Variants in WDR59 observed in about 807,000 individuals in gnomAD.
WDR59 encodes the protein WD repeat domain 59.
A neutral mutation model predicts 131.2 loss-of-function variants in WDR59; 100 were observed. The observed-to-expected ratio is 0.76, with a 90% CI of 0.65 to 0.90. WDR59 has a LOEUF of 0.90. Ranked by LOEUF, WDR59 falls within the 40% of genes least tolerant of loss-of-function variation. WDR59 has a pLI of 0.00. For missense variants in WDR59, 1,203 were observed against 1,262.2 expected (o/e 0.95, Z 0.71); for synonymous variants, 601 against 466.2 (o/e 1.29, Z -3.72).
chr16:74,955,215 G>C (rs2033225614), intron 3 of WDR59, among the ~76,000 whole-genome samples: 1 of 152,182 alleles, frequency 6.6e-6, no homozygotes, highest in South Asian at 2.1e-4. Context: ...CCCAATCAGA[G>C]GTGATTTTGC....
At chr16:74,910,356 GTAA>G (rs1966028447) in intron 14 of WDR59, among the ~76,000 whole-genome samples, 1 of 152,160 alleles carries the variant, frequency 6.6e-6, no homozygotes, top group African/African-American at 2.4e-5. Context: ...CCAACACAGT[GTAA>G]TAATCTAATT....
chr16:74,890,378 T>A (rs535491648), intron 20 of WDR59, among the ~76,000 whole-genome samples: 2 of 152,308 alleles, frequency 1.3e-5, no homozygotes, highest in African/African-American at 4.8e-5. Context: ...CTGGAACTCC[T>A]GGACTCAAGT....
chr16:74,884,478 A>G (rs1040252211), intron 25 of WDR59, among the ~76,000 whole-genome samples: 1 of 152,168 alleles, frequency 6.6e-6, no homozygotes, highest in Non-Finnish European at 1.5e-5. Context: ...CCTCCTGAGT[A>G]GCTGGGATTA....
intron 2 of WDR59, among the ~76,000 whole-genome samples, chr16:74,959,081 GGGTTA>G (rs1567433111): frequency 6.6e-6 from 1 of 152,088 alleles, no homozygotes; most frequent in African/African-American, 2.4e-5. Flanking sequence ...ACTAAGGAGA[GGGTTA>G]TGTGCAACCC....
chr16:74,974,694 G>T (rs1034196819), intron 1 of WDR59, among the ~76,000 whole-genome samples: 9 of 152,134 alleles, frequency 5.9e-5, no homozygotes, highest in African/African-American at 2.2e-4. Context: ...CTTTCCTTCT[G>T]AAGGTCTGGA....
Position 74,888,399 on chromosome 16 carries a change from C to T in WDR59, c.2196-80G>A, listed in dbSNP as rs1964878384. Reference sequence around the variant, plus strand: ...AAGCGGTCACAGTCATGGCGTGTTACTGCCACAGGGGTGGGAAGGGAGGAG... The same window carrying T: ...AAGCGGTCACAGTCATGGCGTGTTATTGCCACAGGGGTGGGAAGGGAGGAG... On this transcript the variant is annotated intron_variant, in intron 21 of 25. Coordinates refer to ENST00000262144, the MANE Select transcript of WDR59 (RefSeq NM_030581.4). The T allele has an allele frequency of 5.6e-6, 8 of 1,423,336 alleles. 1 individual carries two copies. 88.2% of individuals were successfully genotyped at this position (1,423,336 alleles called of 1,614,324 possible). A position where few individuals can be genotyped will look rare whatever the true frequency, so the allele number is the denominator to read the frequency against.
In WDR59 at chr16:74,871,858, C is replaced by T. The variant is rs879268234; in HGVS notation, c.*2351G>A. 1 of 152,290 alleles carries T rather than the reference C, an allele frequency of 6.6e-6. No individual in the cohort carries two copies. Among genetic ancestry groups the T allele is most frequent in the Non-Finnish European group, 1.5e-5 (1 of 68,072 alleles). 9.4% of individuals were successfully genotyped at this position (152,290 alleles called of 1,614,324 possible). A position where few individuals can be genotyped will look rare whatever the true frequency, so the allele number is the denominator to read the frequency against. ...CGGCTCCCCCGCCCTGCTCACGCTA[C>T]TGAGACACTGGCACCTTACCTCAGA... On this transcript the variant is annotated 3_prime_UTR_variant, in exon 26 of 26. Transcript: ENST00000262144.
intron 25 of WDR59, among the ~76,000 whole-genome samples, chr16:74,884,512 C>A (rs1399493323): frequency 6.6e-6 from 1 of 152,208 alleles, no homozygotes; most frequent in East Asian, 1.9e-4. Flanking sequence ...GCACGCCTGG[C>A]TAATTTCGTA....
In WDR59 at chr16:74,956,111, C is replaced by A. The variant is rs1200308773; in HGVS notation, c.240+364G>T. Among the ~76,000 whole-genome samples, 4 of 152,052 alleles carry A rather than the reference C, an allele frequency of 2.6e-5. No homozygotes were observed. The East Asian group carries it at 5.8e-4, about 22-fold the overall frequency. The stretch of plus-strand genomic sequence containing the variant: ...AAAGCAATGAAGGTCAACTCCACAC[C>A]AGCTCGCCAGTTACCCTCCTTAGAA... On this transcript the variant is annotated intron_variant, in intron 3 of 25. Transcript: ENST00000262144.
At chr16:74,937,073 A>C (rs1393727352) in intron 8 of WDR59, among the ~76,000 whole-genome samples, 1 of 152,210 alleles carries the variant, frequency 6.6e-6, no homozygotes, top group African/African-American at 2.4e-5. Context: ...TTGCTAAACC[A>C]ATTTCTGTGG....
chr16:74,979,841 T>C (rs2034331249), intron 1 of WDR59, among the ~76,000 whole-genome samples: 1 of 31,884 alleles, frequency 3.1e-5, no homozygotes, highest in African/African-American at 7.9e-5. Context: ...ACCCGGCCTT[T>C]TTTTTTTTTT....
chr16:74,899,855 T>C (rs529999002), intron 18 of WDR59: 5 of 844,022 alleles, frequency 5.9e-6, no homozygotes, highest in South Asian at 4.3e-5. Context: ...ACACATCCGA[T>C]GGATTCCAAT....
rs779353783 is a variant in WDR59 at position 74,874,372 on chromosome 16, G to A, written c.2762C>T (p.Thr921Met). 6.8e-6 allele frequency: 11 copies of A among 1,613,986 alleles called. No homozygotes were observed. The highest frequency in any genetic ancestry group is 5.3e-5 in the African/African-American group (4 of 74,936). ...CACGTGACAGATGGCACACTGGAAC[G>A]TGAAGCCTTTGCAGATGGCACACTG... is the stretch of plus-strand genomic sequence containing the variant. ...GTQCAICKGF[T>M]FQCAICHVAV... Residue 921 changes from threonine to methionine, a missense_variant, in exon 26 of 26, where the codon ACG (threonine) becomes ATG (methionine). Thr to Met is a moderately conservative substitution (Grantham distance 81, BLOSUM62 -1). Coordinates refer to ENST00000262144, the MANE Select transcript of WDR59 (RefSeq NM_030581.4).
At chr16:74,932,461 ACACAC>A (rs1364054497) in intron 8 of WDR59, among the ~76,000 whole-genome samples, 13 of 150,034 alleles carry the variant, frequency 8.7e-5, no homozygotes, top group South Asian at 6.5e-4. Context: ...ACACACACAC[ACACAC>A]AACTATCCTG....
intron 4 of WDR59, among the ~76,000 whole-genome samples, chr16:74,951,033 A>C (rs1189366584): frequency 1.3e-5 from 2 of 151,020 alleles, no homozygotes; most frequent in Non-Finnish European, 2.9e-5. Flanking sequence ...GGTGGTGCAC[A>C]CCTATAATCC....
intron 2 of WDR59, among the ~76,000 whole-genome samples, chr16:74,963,838 A>G (rs1342464180): frequency 6.6e-6 from 1 of 151,932 alleles, no homozygotes; most frequent in Non-Finnish European, 1.5e-5. Context: ...TCAAGGCTGC[A>G]GTGAGCCGAG....
chr16:74,898,855 G>C (rs576278075), intron 18 of WDR59, among the ~76,000 whole-genome samples: 1 of 152,228 alleles, frequency 6.6e-6, no homozygotes, highest in Non-Finnish European at 1.5e-5. Flanking sequence ...GGCTGGGACA[G>C]GCTTTTGGAA....
Position 74,901,499 on chromosome 16 carries a change from G to A in WDR59, c.1866+2448C>T, listed in dbSNP as rs1310887544. Among the ~76,000 whole-genome samples, 3 of 151,746 alleles carry A rather than the reference G, an allele frequency of 2.0e-5. 1 individual carries two copies. Among genetic ancestry groups the A allele is most frequent in the Middle Eastern group, 6.4e-3 (2 of 314 alleles). On this transcript the variant is annotated intron_variant, in intron 18 of 25. Coordinates refer to ENST00000262144, the MANE Select transcript of WDR59 (RefSeq NM_030581.4). Reference sequence around the variant, plus strand: ...AAAATATTTGTTTTTAATTAACTGGGTGATGTGGTGTACTCTTGTAGTTCT... The same window carrying A: ...AAAATATTTGTTTTTAATTAACTGGATGATGTGGTGTACTCTTGTAGTTCT...
At chr16:74,913,634 G>T (rs1966214852) in intron 13 of WDR59, among the ~76,000 whole-genome samples, 1 of 152,098 alleles carries the variant, frequency 6.6e-6, no homozygotes, top group African/African-American at 2.4e-5. Context: ...CCAAAGCTGT[G>T]GGGTAGACTG....
Sources: allele counts gnomAD v4.1 joint callset (sites outside exome capture counted in the v4.1 genomes callset), GRCh38; gene constraint gnomAD v4.1.1; transcripts MANE v1.5; gene names NCBI Gene and HGNC (gene_info 2026-07-23, HGNC 2026-07-21).